The following ZNF808 variants were observed in gnomAD, a reference collection of about 807,000 sequenced individuals.
ZNF808 encodes zinc finger protein 808.
ZNF808 carries 5 observed loss-of-function variants against 8.7 expected under a neutral mutation model. That is an observed-to-expected ratio of 0.58 (90% CI 0.30 to 1.21). The LOEUF is 1.21. Ranked by LOEUF, ZNF808 falls within the 50% of genes most tolerant of loss-of-function variation. The pLI is 0.07. For synonymous variants in ZNF808, 380 were observed against 366.0 expected (o/e 1.04, Z -0.44); for missense variants, 1,103 against 1,098.4 (o/e 1.00, Z -0.06).
downstream of ZNF808, among the ~76,000 whole-genome samples, chr19:52,561,127 C>CCTTG (rs56840402): frequency 0.23 from 32,875 of 144,532 alleles, 4,201 homozygotes; most frequent in African/African-American, 0.25. Flanking sequence ...CCAGCTCAGC[C>CCTTG]CTTGTATCCC....
At chr19:52,530,985 C>G (rs1352707154) in intron 1 of ZNF808, among the ~76,000 whole-genome samples, 14 of 151,566 alleles carry the variant, frequency 9.2e-5, no homozygotes, top group African/African-American at 2.9e-4. Context: ...TCCCCGCCCC[C>G]CAAAAAAAGA....
At chr19:52,539,927 G>A (rs1452425421) in intron 2 of ZNF808, among the ~76,000 whole-genome samples, 1 of 151,814 alleles carries the variant, frequency 6.6e-6, no homozygotes, top group Non-Finnish European at 1.5e-5. Context: ...ACTGTGCAGC[G>A]GCAACCTCCT....
intron 4 of ZNF808, among the ~76,000 whole-genome samples, chr19:52,552,723 T>A (rs1290311576): frequency 6.7e-6 from 1 of 148,874 alleles, no homozygotes; most frequent in African/African-American, 2.5e-5. Flanking sequence ...TTTTTTAGCA[T>A]TTATTTGTAC....
intron 2 of ZNF808, among the ~76,000 whole-genome samples, chr19:52,535,572 C>G (rs148664468): frequency 6.6e-6 from 1 of 152,126 alleles, no homozygotes; most frequent in Non-Finnish European, 1.5e-5. Context: ...CTGAGCACTC[C>G]GTCCCGCATC....
rs774565055 is a variant in ZNF808, at chr19:52,555,215, G to C, written c.2299G>C (p.Asp767His). 4.3e-6 allele frequency: 7 copies of C among 1,613,916 alleles called. No homozygotes were observed. Among genetic ancestry groups the C allele is most frequent in the Non-Finnish European group, 5.1e-6 (6 of 1,179,982 alleles). ...TGGTGAGAAACCTTACAAGTGTAAC[G>C]ACTGTGGCAATACCTTCCGTCACTG... is the stretch of plus-strand genomic sequence containing the variant. ...HSGEKPYKCN[D>H]CGNTFRHWSS... Residue 767 changes from aspartate to histidine, a missense_variant, in exon 5 of 5, where the codon GAC becomes CAC. Coordinates refer to ENST00000359798, the MANE Select transcript of ZNF808 (RefSeq NM_001039886.4).
At chr19:52,547,084 A>T (rs2059729438) in intron 3 of ZNF808, among the ~76,000 whole-genome samples, 1 of 150,270 alleles carries the variant, frequency 6.7e-6, no homozygotes, top group Admixed American at 6.7e-5. Context: ...TGTAGCTGGG[A>T]TTACAGGTGC....
In ZNF808 at chr19:52,555,328, A is replaced by G. The variant is rs780720195; in HGVS notation, c.2412A>G (p.Ser804=). ...TVCDKAFVRN[S]YLARHIRIHT... is the part of the protein sequence containing the mutation. The stretch of plus-strand genomic sequence containing the variant: ...GTGACAAGGCTTTCGTGCGTAATTC[A>G]TACCTGGCAAGACATATTAGAATTC... Residue 804 remains serine, a synonymous_variant, in exon 5 of 5, where the codon TCA becomes TCG. Transcript: ENST00000359798. 1.2e-6 allele frequency: 2 copies of G among 1,614,220 alleles called. No homozygotes were observed. Among genetic ancestry groups the G allele is most frequent in the African/African-American group, 1.3e-5 (1 of 75,058 alleles).
At chr19:52,561,243 C>CA (rs1555770334), downstream of ZNF808, among the ~76,000 whole-genome samples, 6 of 110,434 alleles carry the variant, frequency 5.4e-5, no homozygotes, top group East Asian at 1.8e-3. Flanking sequence ...TATATATACA[C>CA]TTTTTTTATT....
At chr19:52,561,836 G>T (rs971511165) in intron 3 of ZNF808, among the ~76,000 whole-genome samples, 1 of 152,012 alleles carries the variant, frequency 6.6e-6, no homozygotes, top group South Asian at 2.1e-4. Context: ...CATGAGCCAC[G>T]GTGCCTGGCT....
chr19:52,563,577 T>C (rs983263443), exon 4 of ZNF808: 2 of 152,442 alleles, frequency 1.3e-5, no homozygotes, highest in African/African-American at 4.8e-5. Flanking sequence ...AATAATGAAG[T>C]CATTGATAGT....
At chr19:52,532,350 T>C (rs146292101) in intron 1 of ZNF808, among the ~76,000 whole-genome samples, 2,782 of 152,180 alleles carry the variant, frequency 0.018, 79 homozygotes, top group African/African-American at 0.064. Context: ...CTCTGCCTCC[T>C]GAGTAGCTGG....
At chr19:52,531,067 T>G (rs930477495) in intron 1 of ZNF808, among the ~76,000 whole-genome samples, 27 of 152,230 alleles carry the variant, frequency 1.8e-4, no homozygotes, top group Non-Finnish European at 2.9e-4. Flanking sequence ...GAGAATCTCT[T>G]TAGGCAGGAG....
At position 52,553,898 on chromosome 19, in the gene ZNF808, T is replaced by C; in HGVS notation, c.982T>C (p.Ser328Pro). Residue 328 changes from serine to proline, a missense_variant, in exon 5 of 5, where the codon TCA (serine) becomes CCA (proline). Transcript: ENST00000359798. ...GTGTGGCAAGGTCTTTCGTCAAAAT[T>C]CAGCCCTTGTAATTCATAAGGCAAT... Reference protein sequence around the residue: ...NECGKVFRQNSALVIHKAIHT... With the variant: ...NECGKVFRQNPALVIHKAIHT... 5 of 1,614,138 alleles carry C rather than the reference T, an allele frequency of 3.1e-6. No individual in the cohort carries two copies. The highest frequency in any genetic ancestry group is 4.2e-6 in the Non-Finnish European group (5 of 1,180,024).
At chr19:52,560,003 G>A (rs1172562944), downstream of ZNF808, among the ~76,000 whole-genome samples, 1 of 152,192 alleles carries the variant, frequency 6.6e-6, no homozygotes, top group East Asian at 1.9e-4. Context: ...ATGATTGTAA[G>A]TATTTTTCAT....
downstream of ZNF808, among the ~76,000 whole-genome samples, chr19:52,558,769 T>G (rs1453344550): frequency 2.6e-5 from 4 of 152,244 alleles, no homozygotes; most frequent in Non-Finnish European, 5.9e-5. Context: ...GACTACATTT[T>G]GTTCTGTACT....
chr19:52,565,165 C>T (rs935431728), downstream of ZNF808, among the ~76,000 whole-genome samples: 8 of 152,118 alleles, frequency 5.3e-5, no homozygotes, highest in South Asian at 2.1e-4. Flanking sequence ...GTAATCCCAG[C>T]GACTCAGGAG....
At chr19:52,536,292 C>A (rs1171321383) in intron 2 of ZNF808, among the ~76,000 whole-genome samples, 7 of 152,076 alleles carry the variant, frequency 4.6e-5, no homozygotes, top group Admixed American at 2.0e-4. Context: ...GCTTAGTTTT[C>A]CTGGTCAAAA....
Position 52,553,863 on chromosome 19 carries a change from A to G in ZNF808, c.947A>G (p.Lys316Arg), listed in dbSNP as rs2059803763. ...HRLHTGVKPYKCNECGKVFRQ... is the reference protein window; with the variant it reads ...HRLHTGVKPYRCNECGKVFRQ... Reference sequence around the variant, plus strand: ...CTTCATACTGGAGTAAAACCTTACAAGTGTAATGAGTGTGGCAAGGTCTTT... The same window carrying G: ...CTTCATACTGGAGTAAAACCTTACAGGTGTAATGAGTGTGGCAAGGTCTTT... The change falls in exon 5 of 5, where the codon AAG becomes AGG. Residue 316 changes from lysine (K) to arginine (R), a missense_variant. By Grantham distance (26) the Lys-to-Arg change is conservative (BLOSUM62 2). Coordinates refer to ENST00000359798, the MANE Select transcript of ZNF808 (RefSeq NM_001039886.4). The G allele has an allele frequency of 3.1e-6, 5 of 1,614,184 alleles. No homozygotes were observed. Among genetic ancestry groups the G allele is most frequent in the Non-Finnish European group, 4.2e-6 (5 of 1,180,032 alleles).
chr19:52,554,509 A>C lies in ZNF808; in HGVS notation c.1593A>C (p.Arg531Ser), dbSNP rs1299745716. ...RHRASLVYHRRLHTLEKSYKC... is the reference protein window; with the variant it reads ...RHRASLVYHRSLHTLEKSYKC... Reference sequence around the variant, plus strand: ...GGGCATCCCTTGTATACCATCGTAGACTTCACACTCTAGAGAAATCTTACA... The same window carrying C: ...GGGCATCCCTTGTATACCATCGTAGCCTTCACACTCTAGAGAAATCTTACA... The change falls in exon 5 of 5, where the codon AGA (arginine) becomes AGC (serine). Residue 531 changes from arginine to serine, a missense_variant. Coordinates refer to ENST00000359798, the MANE Select transcript of ZNF808 (RefSeq NM_001039886.4). 1 of 1,614,170 alleles carries C rather than the reference A, an allele frequency of 6.2e-7. No individual in the cohort carries two copies. Among genetic ancestry groups the C allele is most frequent in the African/African-American group, 1.3e-5 (1 of 75,046 alleles).
Sources: allele counts gnomAD v4.1 joint callset (sites outside exome capture counted in the v4.1 genomes callset), GRCh38; gene constraint gnomAD v4.1.1; transcripts MANE v1.5; gene names NCBI Gene and HGNC (gene_info 2026-07-23, HGNC 2026-07-21).